Variants in CHCHD6 observed in about 807,000 individuals in gnomAD.
CHCHD6 encodes the protein coiled-coil-helix-coiled-coil-helix domain containing 6, also known as MICOS complex subunit MIC25.
CHCHD6 carries 28 observed loss-of-function variants against 32.3 expected under a neutral mutation model. That is an observed-to-expected ratio of 0.87 (90% CI 0.64 to 1.19). The LOEUF is 1.19. Ranked by LOEUF, CHCHD6 falls within the 50% of genes most tolerant of loss-of-function variation. The pLI, the probability that CHCHD6 is intolerant of heterozygous loss-of-function variation, is 0.00. For missense variants in CHCHD6, 333 were observed against 307.0 expected (o/e 1.08, Z -0.63); for synonymous variants, 122 against 117.5 (o/e 1.04, Z -0.25).
chr3:126,843,869 A>T (rs1478935774), intron 4 of CHCHD6, among the ~76,000 whole-genome samples: 1 of 152,124 alleles, frequency 6.6e-6, no homozygotes, highest in Non-Finnish European at 1.5e-5. Context: ...TTATATCATT[A>T]TGTTTACATT....
At chr3:126,779,535 C>CAAAAAAAAAA (rs11288509) in intron 4 of CHCHD6, among the ~76,000 whole-genome samples, 1 of 78,100 alleles carries the variant, frequency 1.3e-5, no homozygotes. Context: ...GACTCCATCT[C>CAAAAAAAAAA]AAAAAAAAAA....
chr3:126,853,310 G>A (rs1055880565), intron 5 of CHCHD6, among the ~76,000 whole-genome samples: 1 of 150,072 alleles, frequency 6.7e-6, no homozygotes, highest in Admixed American at 6.6e-5. Flanking sequence ...TTGGTAACTT[G>A]CTTATTTTTT....
chr3:126,887,817 G>A (rs2077699254), intron 5 of CHCHD6, among the ~76,000 whole-genome samples: 2 of 152,348 alleles, frequency 1.3e-5, no homozygotes, highest in Middle Eastern at 3.4e-3. Flanking sequence ...CCCAGCTGGA[G>A]CATCCTTTTT....
At chr3:126,713,432 C>G (rs1395108503) in intron 1 of CHCHD6, among the ~76,000 whole-genome samples, 2 of 152,198 alleles carry the variant, frequency 1.3e-5, no homozygotes, top group African/African-American at 4.8e-5. Flanking sequence ...CAAGGTCCTT[C>G]ATGTGTGGGC....
intron 5 of CHCHD6, among the ~76,000 whole-genome samples, chr3:126,905,074 C>G (rs1016827215): frequency 6.6e-6 from 1 of 152,152 alleles, no homozygotes; most frequent in African/African-American, 2.4e-5. Context: ...GCAGAGCAGT[C>G]TGGAATGTGT....
chr3:126,798,626 C>T (rs1052512345), intron 4 of CHCHD6, among the ~76,000 whole-genome samples: 9 of 152,186 alleles, frequency 5.9e-5, no homozygotes, highest in South Asian at 4.1e-4. Flanking sequence ...GGAGCTGCTC[C>T]GGAACCCTCC....
intron 4 of CHCHD6, among the ~76,000 whole-genome samples, chr3:126,786,041 T>C (rs1938191730): frequency 6.6e-6 from 1 of 152,210 alleles, no homozygotes; most frequent in African/African-American, 2.4e-5. Flanking sequence ...AGTGTTCTCA[T>C]TGTTCAGTTC....
intron 5 of CHCHD6, among the ~76,000 whole-genome samples, chr3:126,892,227 C>T (rs1290651478): frequency 1.3e-5 from 2 of 152,190 alleles, no homozygotes; most frequent in African/African-American, 4.8e-5. Flanking sequence ...GAGTCCCATG[C>T]TTGTACAGGC....
In CHCHD6 at chr3:126,816,299, C is replaced by T. The variant is rs374630955; in HGVS notation, c.412-36348C>T. Among the ~76,000 whole-genome samples the T allele has an allele frequency of 3.0e-4, 45 of 152,312 alleles. 1 individual carries two copies. The highest frequency in any genetic ancestry group is 7.9e-4 in the African/African-American group (33 of 41,564). On this transcript the variant is annotated intron_variant, in intron 4 of 7. Transcript: ENST00000290913. ...CAGGCACATGGGCTTGGCGCTTTCT[C>T]GTTGGCGTTGTCATATTAATCCTGA... is the stretch of plus-strand genomic sequence containing the variant.
chr3:126,739,311 T>C (rs1936190003), intron 4 of CHCHD6, among the ~76,000 whole-genome samples: 1 of 152,170 alleles, frequency 6.6e-6, no homozygotes, highest in African/African-American at 2.4e-5. Flanking sequence ...TATTTTACTC[T>C]TTGCAGTCAC....
rs1273604526 is a variant in CHCHD6 at position 126,727,154 on chromosome 3, T to C, written c.164T>C (p.Leu55Pro). ...PPAPTSSTFGLQDGNLRAPHK... is the reference protein window; with the variant it reads ...PPAPTSSTFGPQDGNLRAPHK... Reference sequence around the variant, plus strand: ...GCTCCCACATCTTCTACCTTTGGCCTTCAAGATGGCAACTTGAGAGCCCCT... The same window carrying C: ...GCTCCCACATCTTCTACCTTTGGCCCTCAAGATGGCAACTTGAGAGCCCCT... Residue 55 changes from leucine (L) to proline (P), a missense_variant, in exon 2 of 8, where the codon CTT becomes CCT. Coordinates refer to ENST00000290913, the MANE Select transcript of CHCHD6 (RefSeq NM_032343.3). The C allele has an allele frequency of 6.2e-7, 1 of 1,613,842 alleles. No individual in the cohort carries two copies. The highest frequency in any genetic ancestry group is 1.1e-5 in the South Asian group (1 of 91,060).
At chr3:126,792,564 G>A (rs1318338525) in intron 4 of CHCHD6, among the ~76,000 whole-genome samples, 1 of 152,028 alleles carries the variant, frequency 6.6e-6, no homozygotes, top group African/African-American at 2.4e-5. Context: ...TTTCTGGAGA[G>A]CTCCCTGTTA....
intron 5 of CHCHD6, among the ~76,000 whole-genome samples, chr3:126,869,287 CCTT>C (rs1165064702): frequency 1.2e-3 from 161 of 134,538 alleles, no homozygotes; most frequent in Non-Finnish European, 2.2e-3. Flanking sequence ...ACACCAGTCT[CCTT>C]TTTTTTTTTT....
At chr3:126,761,955 C>T (rs1169126612) in intron 4 of CHCHD6, among the ~76,000 whole-genome samples, 1 of 152,130 alleles carries the variant, frequency 6.6e-6, no homozygotes, top group East Asian at 1.9e-4. Flanking sequence ...TTATAATGCT[C>T]CTTATGTCCT....
chr3:126,864,913 A>ATCT (rs1162783887), intron 5 of CHCHD6, among the ~76,000 whole-genome samples: 1 of 77,918 alleles, frequency 1.3e-5, no homozygotes, highest in African/African-American at 5.8e-5. Context: ...CTCCACCATC[A>ATCT]CCTTCTCCTC....
At chr3:126,860,619 A>AT (rs1387466146) in intron 5 of CHCHD6, among the ~76,000 whole-genome samples, 1 of 152,228 alleles carries the variant, frequency 6.6e-6, no homozygotes, top group Non-Finnish European at 1.5e-5. Context: ...GTTTTTCACA[A>AT]GGTTAGGCTG....
At chr3:126,934,489 G>A (rs183180326) in intron 6 of CHCHD6, among the ~76,000 whole-genome samples, 8 of 150,128 alleles carry the variant, frequency 5.3e-5, no homozygotes, top group African/African-American at 2.4e-5. Flanking sequence ...CAGGCTCCAC[G>A]GGACGTCAGG....
At chr3:126,786,420 T>A (rs1938215768) in intron 4 of CHCHD6, among the ~76,000 whole-genome samples, 1 of 152,228 alleles carries the variant, frequency 6.6e-6, no homozygotes, top group African/African-American at 2.4e-5. Context: ...TCTACAATGG[T>A]TGAACTAGTT....
rs534594064 is a variant in CHCHD6, at chr3:126,788,518, A to G, written c.411+55296A>G. ...CAATTTCAGAGCCTGTTATTGGTCT[A>G]TTCAGGGATTCAGCTTCTTCCTGGT... On this transcript the variant is annotated intron_variant, in intron 4 of 7. Transcript: ENST00000290913. Among the ~76,000 whole-genome samples the G allele has an allele frequency of 1.8e-4, 27 of 152,314 alleles. No individual in the cohort carries two copies. The East Asian group carries it at 5.2e-3, about 29-fold the overall frequency.
Sources: allele counts gnomAD v4.1 joint callset (sites outside exome capture counted in the v4.1 genomes callset), GRCh38; gene constraint gnomAD v4.1.1; transcripts MANE v1.5; gene names NCBI Gene and HGNC (gene_info 2026-07-23, HGNC 2026-07-21).